The following PCDH7 variants were observed in gnomAD, a reference collection of about 807,000 sequenced individuals.
The protein encoded by PCDH7 is protocadherin 7.
A neutral mutation model predicts 58.9 loss-of-function variants in PCDH7; 17 were observed. The ratio of observed to expected loss-of-function variants is 0.29; its 90% CI spans 0.20 to 0.43. The LOEUF is 0.43. Among genes scored for constraint, PCDH7 ranks in the 20% least tolerant of loss-of-function variants. The pLI is 1.00. For missense variants in PCDH7, 1,274 were observed against 1,441.0 expected (o/e 0.88, Z 1.88); for synonymous variants, 664 against 616.4 (o/e 1.08, Z -1.14).
intron 2 of PCDH7, among the ~76,000 whole-genome samples, chr4:30,937,612 A>G (rs1745511510): frequency 6.6e-6 from 1 of 152,182 alleles, no homozygotes; most frequent in African/African-American, 2.4e-5. Context: ...CCAGCATGAC[A>G]GAAATAAAAG....
At chr4:31,053,366 T>C (rs1756907168) in intron 3 of PCDH7, among the ~76,000 whole-genome samples, 1 of 152,118 alleles carries the variant, frequency 6.6e-6, no homozygotes, top group Non-Finnish European at 1.5e-5. Flanking sequence ...CATGCATTTG[T>C]TTCTGCTGTT....
intron 1 of PCDH7, among the ~76,000 whole-genome samples, chr4:30,877,506 C>T (rs10939315): frequency 0.41 from 61,656 of 151,960 alleles, 12,736 homozygotes; most frequent in African/African-American, 0.45. Context: ...AAATAAAATA[C>T]GGTTTGAACT....
At chr4:30,909,609 C>A (rs1741455587) in intron 1 of PCDH7, among the ~76,000 whole-genome samples, 1 of 152,080 alleles carries the variant, frequency 6.6e-6, no homozygotes, top group South Asian at 2.1e-4. Flanking sequence ...CTTAGGAATA[C>A]AACTTACAAA....
intron 3 of PCDH7, among the ~76,000 whole-genome samples, chr4:31,125,318 C>T (rs142299575): frequency 3.5e-4 from 54 of 152,298 alleles, no homozygotes; most frequent in African/African-American, 1.2e-3. Context: ...TCTATCTGTC[C>T]AAGCTAAAAA....
At chr4:30,795,091 T>C (rs1487292370) in intron 1 of PCDH7, among the ~76,000 whole-genome samples, 3 of 152,156 alleles carry the variant, frequency 2.0e-5, no homozygotes, top group South Asian at 2.1e-4. Context: ...AGCACCGATA[T>C]GGATCAGTCT....
intron 1 of PCDH7, among the ~76,000 whole-genome samples, chr4:30,867,315 G>C (rs1578104065): frequency 6.6e-6 from 1 of 152,134 alleles, no homozygotes; most frequent in Admixed American, 6.6e-5. Flanking sequence ...ATTTCCCACA[G>C]GCCCCCTCAC....
intron 3 of PCDH7, among the ~76,000 whole-genome samples, chr4:31,020,418 T>A (rs974931405): frequency 1.3e-5 from 2 of 152,230 alleles, no homozygotes; most frequent in Admixed American, 1.3e-4. Flanking sequence ...TGTGTATGTG[T>A]GTGTTTGTGT....
intron 3 of PCDH7, among the ~76,000 whole-genome samples, chr4:30,979,969 A>G (rs957487306): frequency 6.6e-6 from 1 of 152,172 alleles, no homozygotes; most frequent in African/African-American, 2.4e-5. Flanking sequence ...CTATGGTGGG[A>G]CATAGCAATA....
rs145968448 is a variant in PCDH7, at chr4:31,037,918, G to A, written c.*7+87703G>A. On this transcript the variant is annotated intron_variant, in intron 3 of 3. Transcript: ENST00000509759. ...ATGTGACAAGTGACAGATAGATGAT[G>A]GGTGTTTTCTGGCTGATGATCAGAG... is the stretch of plus-strand genomic sequence containing the variant. Among the ~76,000 whole-genome samples, 459 of 152,330 alleles carry A rather than the reference G, an allele frequency of 3.0e-3. 4 individuals are homozygous for A. Among genetic ancestry groups the A allele is most frequent in the African/African-American group, 0.01 (420 of 41,592 alleles).
chr4:30,951,660 T>G (rs1406723176), intron 3 of PCDH7, among the ~76,000 whole-genome samples: 1 of 152,202 alleles, frequency 6.6e-6, no homozygotes, highest in African/African-American at 2.4e-5. Context: ...GGGCACAATG[T>G]TAATGAGTTT....
intron 3 of PCDH7, among the ~76,000 whole-genome samples, chr4:30,961,663 T>A (rs1209144948): frequency 6.6e-6 from 1 of 152,242 alleles, no homozygotes. Context: ...CCTGACTTCT[T>A]GTTTTTATTA....
chr4:30,869,776 T>C lies in PCDH7; in HGVS notation c.71-50377T>C, dbSNP rs192107092. 4.8e-4 allele frequency among the ~76,000 whole-genome samples: 73 copies of C among 152,324 alleles called. 1 individual carries two copies. Among genetic ancestry groups the C allele is most frequent in the Admixed American group, 4.4e-3 (68 of 15,296 alleles). ...CACGTGTCTTTATAGTAGAATGATTTATAATCCTTTGGGTGTATACCCAGT... is the reference window on the plus strand; with the variant it reads ...CACGTGTCTTTATAGTAGAATGATTCATAATCCTTTGGGTGTATACCCAGT... On this transcript the variant is annotated intron_variant, in intron 1 of 3. Coordinates refer to the PCDH7 transcript ENST00000509759.
At chr4:31,122,065 T>A (rs527468604) in intron 3 of PCDH7, among the ~76,000 whole-genome samples, 1 of 152,276 alleles carries the variant, frequency 6.6e-6, no homozygotes, top group African/African-American at 2.4e-5. Context: ...TATTTTGGAA[T>A]ATTTAGCCAT....
chr4:30,877,277 T>A (rs1736414477), intron 1 of PCDH7, among the ~76,000 whole-genome samples: 1 of 152,042 alleles, frequency 6.6e-6, no homozygotes. Context: ...TAAATGCCTA[T>A]TAGGGAGGAC....
intron 3 of PCDH7, among the ~76,000 whole-genome samples, chr4:31,070,588 T>C (rs936651151): frequency 6.6e-6 from 1 of 152,108 alleles, no homozygotes; most frequent in African/African-American, 2.4e-5. Context: ...ATTCTCTAAA[T>C]ATATAAGTTG....
chr4:30,802,499 A>C (rs906893198), intron 1 of PCDH7, among the ~76,000 whole-genome samples: 3 of 152,140 alleles, frequency 2.0e-5, no homozygotes, highest in Admixed American at 2.0e-4. Context: ...TACATGGATG[A>C]AACAAGATCC....
At chr4:31,125,606 T>C (rs1302479117) in intron 3 of PCDH7, among the ~76,000 whole-genome samples, 1 of 152,212 alleles carries the variant, frequency 6.6e-6, no homozygotes, top group Non-Finnish European at 1.5e-5. Context: ...ATCTTTTATC[T>C]TTTCCCAGGC....
intron 3 of PCDH7, among the ~76,000 whole-genome samples, chr4:30,957,500 T>G (rs1560533244): frequency 6.6e-6 from 1 of 152,118 alleles, no homozygotes; most frequent in Non-Finnish European, 1.5e-5. Flanking sequence ...ATTGTGACAC[T>G]TTGGTGAGGA....
downstream of PCDH7, chr4:31,142,987 A>C (rs1720440426): frequency 7.9e-6 from 4 of 504,970 alleles, no homozygotes; most frequent in African/African-American, 8.0e-5. Context: ...TTCTGCCTCC[A>C]GATCAGGCCT....
Sources: gnomAD v4.1 joint callset for allele counts (sites outside exome capture counted in the v4.1 genomes callset) on GRCh38, gnomAD v4.1.1 for gene constraint, MANE v1.5 for transcripts, NCBI Gene and HGNC (gene_info 2026-07-23, HGNC 2026-07-21) for gene names.